MYO16: variants seen among roughly 807,000 people sequenced by gnomAD.
The protein encoded by MYO16 is myosin XVI.
A neutral mutation model predicts 205.3 loss-of-function variants in MYO16; 94 were observed. The observed-to-expected ratio is 0.46, with a 90% CI of 0.39 to 0.54. The LOEUF (loss-of-function observed/expected upper bound fraction) is 0.54. MYO16 is among the 20% of genes least tolerant of loss of function. The pLI, the probability that MYO16 is intolerant of heterozygous loss-of-function variation, is 0.00. For synonymous variants in MYO16, 988 were observed against 954.0 expected, an observed-to-expected ratio of 1.04 and a Z score of -0.66; for missense variants, 2,315 against 2,387.5, an observed-to-expected ratio of 0.97 and a Z score of 0.63.
chr13:108,658,560 T>G (rs952310153), intron 1 of MYO16, among the ~76,000 whole-genome samples: 1 of 152,144 alleles, frequency 6.6e-6, no homozygotes, highest in African/African-American at 2.4e-5. Flanking sequence ...TGAATTGCTT[T>G]AGTTTTATCC....
intron 27 of MYO16, among the ~76,000 whole-genome samples, chr13:109,083,671 C>T (rs1282389381): frequency 2.6e-5 from 4 of 152,136 alleles, no homozygotes; most frequent in African/African-American, 9.7e-5. Flanking sequence ...TGGCTGGATA[C>T]GTTTCCAATA....
chr13:108,766,414 C>A (rs997942352), intron 4 of MYO16, among the ~76,000 whole-genome samples: 1 of 152,186 alleles, frequency 6.6e-6, no homozygotes, highest in East Asian at 1.9e-4. Context: ...TGCCATGGGG[C>A]CTTCAACTGT....
At chr13:109,116,600 A>T (rs987320093) in intron 28 of MYO16, among the ~76,000 whole-genome samples, 3 of 152,158 alleles carry the variant, frequency 2.0e-5, no homozygotes, top group African/African-American at 7.2e-5. Context: ...GTACATTCCA[A>T]GAAAAGTTCA....
intron 1 of MYO16, among the ~76,000 whole-genome samples, chr13:108,603,934 C>T (rs188898007): frequency 1.2e-4 from 18 of 152,038 alleles, no homozygotes; most frequent in Admixed American, 1.3e-4. Context: ...ATAGCTGAGA[C>T]CAGGTAATAT....
chr13:108,804,618 T>G (rs1887060291), intron 6 of MYO16, among the ~76,000 whole-genome samples: 1 of 152,218 alleles, frequency 6.6e-6, no homozygotes, highest in Non-Finnish European at 1.5e-5. Flanking sequence ...AGAGGTTGAT[T>G]GCCAGTAGAC....
intron 1 of MYO16, among the ~76,000 whole-genome samples, chr13:108,620,086 T>TTCCTCATCTG (rs1555332632): frequency 2.6e-5 from 4 of 152,138 alleles, no homozygotes; most frequent in African/African-American, 9.7e-5. Flanking sequence ...GTGCCTCAAT[T>TTCCTCATCTG]TCCTCATCTG....
intron 16 of MYO16, among the ~76,000 whole-genome samples, chr13:108,942,838 T>C (rs1032770655): frequency 2.6e-5 from 4 of 152,232 alleles, no homozygotes; most frequent in Admixed American, 6.5e-5. Flanking sequence ...GTCACAAGTA[T>C]ACAATTTGTT....
intron 21 of MYO16, among the ~76,000 whole-genome samples, chr13:108,999,031 T>C (rs193141798): frequency 8.1e-4 from 124 of 152,284 alleles, no homozygotes; most frequent in Non-Finnish European, 1.3e-3. Context: ...GGTGGGTAAA[T>C]TGAGTCTACC....
chr13:108,739,620 T>C (rs1884830055), intron 4 of MYO16, among the ~76,000 whole-genome samples: 1 of 152,130 alleles, frequency 6.6e-6, no homozygotes, highest in Admixed American at 6.5e-5. Context: ...TGTCTTGGAG[T>C]TGCTCTTCTC....
intron 4 of MYO16, among the ~76,000 whole-genome samples, chr13:108,728,347 C>T (rs1253281649): frequency 6.6e-6 from 1 of 152,160 alleles, no homozygotes; most frequent in Non-Finnish European, 1.5e-5. Context: ...CAAAAGCAAA[C>T]TATAGCTAAG....
intron 2 of MYO16, among the ~76,000 whole-genome samples, chr13:108,679,330 A>G (rs1882361537): frequency 6.6e-6 from 1 of 152,066 alleles, no homozygotes; most frequent in African/African-American, 2.4e-5. Context: ...TTGCACTTAT[A>G]ACCTTGAAGC....
At chr13:108,595,881 CTTTTTTTT>C (rs67620613), upstream of MYO16, among the ~76,000 whole-genome samples, 1 of 108,312 alleles carries the variant, frequency 9.2e-6, no homozygotes, top group Non-Finnish European at 1.8e-5. Flanking sequence ...AAATTAAGTC[CTTTTTTTT>C]TTTTTTTTTT....
chr13:108,550,615 G>A, the MYO16 span, among the ~76,000 whole-genome samples: 5 of 152,152 alleles, frequency 3.3e-5, no homozygotes, highest in Non-Finnish European at 7.3e-5. Flanking sequence ...CTTTGAGACT[G>A]ATTTAAGTTA....
At chr13:108,572,225 C>A in the MYO16 span, among the ~76,000 whole-genome samples, 1 of 152,042 alleles carries the variant, frequency 6.6e-6, no homozygotes, top group African/African-American at 2.4e-5. Flanking sequence ...TCACATCTGG[C>A]CCCCTCCATT....
chr13:108,695,858 T>A (rs147645281), intron 2 of MYO16, among the ~76,000 whole-genome samples: 2 of 152,174 alleles, frequency 1.3e-5, no homozygotes, highest in Non-Finnish European at 2.9e-5. Context: ...ATCCTTGGAA[T>A]GAAAGGTTGA....
chr13:108,897,246 C>T (rs373069912), intron 14 of MYO16, among the ~76,000 whole-genome samples: 1 of 152,286 alleles, frequency 6.6e-6, no homozygotes, highest in South Asian at 2.1e-4. Flanking sequence ...GCTTGGTCCC[C>T]ATCACCTTCA....
intron 34 of MYO16, among the ~76,000 whole-genome samples, chr13:109,182,059 C>G (rs900408891): frequency 2.6e-5 from 4 of 152,062 alleles, no homozygotes; most frequent in African/African-American, 4.8e-5. Context: ...CCTCAGTGAT[C>G]CGTCCGCCTC....
intron 23 of MYO16, among the ~76,000 whole-genome samples, chr13:109,037,392 A>G (rs897828284): frequency 6.6e-6 from 1 of 152,114 alleles, no homozygotes; most frequent in African/African-American, 2.4e-5. Context: ...TAAGTTGTCA[A>G]TCAGTGAATT....
At chr13:108,993,572 G>T (rs148521049) in intron 21 of MYO16, among the ~76,000 whole-genome samples, 5 of 152,220 alleles carry the variant, frequency 3.3e-5, no homozygotes, top group African/African-American at 1.2e-4. Flanking sequence ...CACGAACCAC[G>T]TTCCTTACAA....
Sources: allele counts gnomAD v4.1 joint callset (sites outside exome capture counted in the v4.1 genomes callset), GRCh38; gene constraint gnomAD v4.1.1; transcripts MANE v1.5; gene names NCBI Gene and HGNC (gene_info 2026-07-23, HGNC 2026-07-21).